Variants in KIF5C observed in about 807,000 individuals in gnomAD.
The protein encoded by KIF5C is kinesin family member 5C, also known as kinesin heavy chain isoform 5C.
Under a neutral mutation model 125.2 loss-of-function variants are expected in KIF5C, and 18 were observed. That is an observed-to-expected ratio of 0.14 (90% CI 0.10 to 0.21). The LOEUF is 0.21. Ranked by LOEUF, KIF5C falls within the 10% of genes least tolerant of loss-of-function variation. KIF5C has a pLI of 1.00. For synonymous variants in KIF5C, 405 were observed against 434.0 expected (o/e 0.93, Z 0.83); for missense variants, 780 against 1,183.8 (o/e 0.66, Z 5.01).
At position 148,922,158 on chromosome 2, in the gene KIF5C, G is replaced by A. The variant is rs1681813727; in HGVS notation, c.148G>A (p.Asp50Asn). 1.9e-6 allele frequency: 3 copies of A among 1,611,408 alleles called. No individual in the cohort carries two copies. The highest frequency in any genetic ancestry group is 1.7e-6 in the Non-Finnish European group (2 of 1,178,888). ...VIGQGKPYVF[D>N]RVLPPNTTQE... ...TTAGCAAGGGAAGCCATATGTCTTC[G>A]ACAGAGTGCTACCTCCCAACACGAC... The change falls in exon 2 of 26, where the codon GAC becomes AAC. Residue 50 changes from aspartate to asparagine, a missense_variant. Around this residue, in one of 2 missense-constraint regions of KIF5C, gnomAD observed 207 missense variants for 441.2 expected, o/e 0.47. Coordinates refer to ENST00000435030, the MANE Select transcript of KIF5C (RefSeq NM_004522.3).
At chr2:148,940,298 A>T (rs373022019) in intron 4 of KIF5C, among the ~76,000 whole-genome samples, 3 of 152,192 alleles carry the variant, frequency 2.0e-5, no homozygotes, top group Non-Finnish European at 4.4e-5. Context: ...CAAATGTCAC[A>T]TAAGTGTGTC....
intron 21 of KIF5C, among the ~76,000 whole-genome samples, chr2:149,004,752 A>T (rs1681955255): frequency 6.6e-6 from 1 of 152,232 alleles, no homozygotes; most frequent in South Asian, 2.1e-4. Context: ...GGTTCATCTC[A>T]TTTGATCTTG....
intron 8 of KIF5C, among the ~76,000 whole-genome samples, chr2:148,948,191 A>T (rs902966427): frequency 3.4e-3 from 261 of 76,932 alleles, no homozygotes; most frequent in African/African-American, 0.011. Flanking sequence ...ACTAAAAATT[A>T]AAAAAAAAAA....
chr2:148,910,532 C>T (rs1218122498), intron 1 of KIF5C, among the ~76,000 whole-genome samples: 2 of 152,196 alleles, frequency 1.3e-5, no homozygotes, highest in Non-Finnish European at 2.9e-5. Context: ...TTTTCCATGA[C>T]ATGGTGCTTC....
intron 11 of KIF5C, among the ~76,000 whole-genome samples, chr2:148,971,282 GTCTGTCTGTCTATCTATCTATCTA>G (rs1680895445): frequency 7.1e-6 from 1 of 140,536 alleles, no homozygotes; most frequent in African/African-American, 2.6e-5. Context: ...CTGTCTGTCT[GTCTGTCTGTCTATCTATCTATCTA>G]TCTATCTATC....
intron 10 of KIF5C, among the ~76,000 whole-genome samples, chr2:148,951,675 G>A (rs112044814): frequency 5.3e-5 from 8 of 152,130 alleles, no homozygotes; most frequent in African/African-American, 1.7e-4. Context: ...TGCTGCCTTC[G>A]GTTTGTTTAA....
chr2:148,963,617 C>T (rs1385549475), intron 11 of KIF5C, among the ~76,000 whole-genome samples: 1 of 152,020 alleles, frequency 6.6e-6, no homozygotes. Context: ...TGCAATTTGG[C>T]AGGAATGGGA....
At chr2:148,945,973 A>G (rs942012923) in intron 7 of KIF5C, among the ~76,000 whole-genome samples, 3 of 152,104 alleles carry the variant, frequency 2.0e-5, no homozygotes, top group Non-Finnish European at 2.9e-5. Flanking sequence ...GTCTTCTTTC[A>G]TATCTTTCAG....
intron 2 of KIF5C, among the ~76,000 whole-genome samples, 173 bp downstream of exon 2, chr2:148,922,400 A>G (rs1169571627): frequency 1.3e-5 from 2 of 152,192 alleles, no homozygotes; most frequent in African/African-American, 4.8e-5. Flanking sequence ...TGTCAGGCAA[A>G]TTATTTAATC....
Position 148,979,028 on chromosome 2 carries a change from T to C in KIF5C, c.1362+38T>C, listed in dbSNP as rs757502971. Reference sequence around the variant, plus strand: ...ATATATTTTTTTTTCCACAAAGTTCTTCTATTACTCTTTGTTGTTGATGTT... The same window carrying C: ...ATATATTTTTTTTTCCACAAAGTTCCTCTATTACTCTTTGTTGTTGATGTT... On this transcript the variant is annotated intron_variant, in intron 13 of 25. Coordinates refer to ENST00000435030, the MANE Select transcript of KIF5C (RefSeq NM_004522.3). The C allele has an allele frequency of 7.9e-6, 12 of 1,519,962 alleles. No individual in the cohort carries two copies. The South Asian group carries it at 8.0e-5, about 10-fold the overall frequency. The allele number at this position is 1,519,962 out of a possible 1,614,324, so 94.2% of individuals were successfully genotyped here. A position where few individuals can be genotyped will look rare whatever the true frequency, so the allele number is the denominator to read the frequency against.
In KIF5C at chr2:149,023,608, G is replaced by T. The variant is rs1473769834; in HGVS notation, c.*538G>T. 1 of 152,554 alleles carries T rather than the reference G, an allele frequency of 6.6e-6. No individual in the cohort carries two copies. The highest frequency in any genetic ancestry group is 1.5e-5 in the Non-Finnish European group (1 of 68,012). 9.5% of individuals were successfully genotyped at this position (152,554 alleles called of 1,614,324 possible). A position where few individuals can be genotyped will look rare whatever the true frequency, so the allele number is the denominator to read the frequency against. On this transcript the variant is annotated 3_prime_UTR_variant, in exon 26 of 26. Coordinates refer to ENST00000435030, the MANE Select transcript of KIF5C (RefSeq NM_004522.3). ...CCCAAAGACACATTTTGAATATCCT[G>T]GTCACATCTTTGGATCTGTAAAATA...
chr2:148,959,423 C>T (rs1319441241), intron 10 of KIF5C, among the ~76,000 whole-genome samples: 1 of 152,010 alleles, frequency 6.6e-6, no homozygotes, highest in Non-Finnish European at 1.5e-5. Flanking sequence ...ACACAAACCC[C>T]TTAGGGTTTT....
chr2:148,902,094 A>G (rs1324320539), intron 1 of KIF5C, among the ~76,000 whole-genome samples: 1 of 152,140 alleles, frequency 6.6e-6, no homozygotes, highest in Admixed American at 6.5e-5. Context: ...TCTAACAGTC[A>G]GCGTTGGTCC....
intron 24 of KIF5C, 112 bp downstream of exon 24, chr2:149,010,463 TG>T: frequency 6.9e-7 from 1 of 1,445,606 alleles, no homozygotes. Flanking sequence ...TCTGAAAGGC[TG>T]GGTTGGAGCC....
At chr2:149,015,280 T>C (rs984757043) in intron 25 of KIF5C, among the ~76,000 whole-genome samples, 1 of 152,214 alleles carries the variant, frequency 6.6e-6, no homozygotes, top group Admixed American at 6.5e-5. Context: ...AAAGGGGTAG[T>C]AATCAACAGA....
At chr2:149,001,787 C>A (rs115684333) in intron 21 of KIF5C, among the ~76,000 whole-genome samples, 1 of 152,182 alleles carries the variant, frequency 6.6e-6, no homozygotes, top group African/African-American at 2.4e-5. Flanking sequence ...AGAGAGAAAC[C>A]GTTGGTTAGA....
At chr2:148,925,826 C>T (rs1681970758) in intron 2 of KIF5C, among the ~76,000 whole-genome samples, 2 of 152,228 alleles carry the variant, frequency 1.3e-5, no homozygotes, top group African/African-American at 2.4e-5. Flanking sequence ...CTTGTGATGG[C>T]CCTGGTGGCC....
Position 148,875,587 on chromosome 2 carries a change from T to TCCCCCTGCCCCCCCCCCCC in KIF5C, c.-27_-26insCTGCCCCCCCCCCCCCCCC. The TCCCCCTGCCCCCCCCCCCC allele has an allele frequency of 2.7e-6, 1 of 366,936 alleles. No homozygotes were observed. Among genetic ancestry groups the TCCCCCTGCCCCCCCCCCCC allele is most frequent in the South Asian group, 2.6e-5 (1 of 37,748 alleles). 22.7% of individuals were successfully genotyped at this position (366,936 alleles called of 1,614,324 possible). On this transcript the variant is annotated 5_prime_UTR_variant, in exon 1 of 26. Coordinates refer to ENST00000435030, the MANE Select transcript of KIF5C (RefSeq NM_004522.3). Reference sequence around the variant, plus strand: ...GTTCCCGGCCCCGGCCCCCCACCCATCCCCGTGCCCCCTCCCTACCGCCGG... The same window carrying TCCCCCTGCCCCCCCCCCCC: ...GTTCCCGGCCCCGGCCCCCCACCCATCCCCCTGCCCCCCCCCCCCCCCCGTGCCCCCTCCCTACCGCCGG...
chr2:148,936,264 C>A (rs1371691445), intron 3 of KIF5C, among the ~76,000 whole-genome samples: 1 of 152,210 alleles, frequency 6.6e-6, no homozygotes, highest in East Asian at 1.9e-4. Flanking sequence ...GCCTGGGCAA[C>A]AGAGTGAGAC....
Sources: allele counts gnomAD v4.1 joint callset (sites outside exome capture counted in the v4.1 genomes callset), GRCh38; gene constraint gnomAD v4.1.1; regional missense constraint gnomAD v4.1.1; transcripts MANE v1.5; gene names NCBI Gene and HGNC (gene_info 2026-07-23, HGNC 2026-07-21).